RORA: variants seen among roughly 807,000 people sequenced by gnomAD.
RORA encodes nuclear receptor ROR-alpha.
RORA carries 7 observed loss-of-function variants against 69.5 expected under a neutral mutation model. The ratio of observed to expected loss-of-function variants is 0.10; its 90% confidence interval spans 0.06 to 0.19. RORA has a LOEUF of 0.19. Ranked by LOEUF, RORA falls within the 10% of genes least tolerant of loss-of-function variation. RORA has a pLI of 1.00. For synonymous variants in RORA, 261 were observed against 240.8 expected (o/e 1.08, Z -0.78); for missense variants, 457 against 663.0 (o/e 0.69, Z 3.41).
At chr15:60,501,338 T>C (rs1179937662) in intron 8 of RORA, among the ~76,000 whole-genome samples, 1 of 152,224 alleles carries the variant, frequency 6.6e-6, no homozygotes, top group Non-Finnish European at 1.5e-5. Flanking sequence ...GTCATCCTCA[T>C]TGAAAATAAT....
intron 1 of RORA, among the ~76,000 whole-genome samples, chr15:60,985,903 A>C (rs1033646590): frequency 4.6e-5 from 7 of 152,166 alleles, no homozygotes; most frequent in Admixed American, 2.6e-4. Context: ...TAAATCAAGG[A>C]GTTCTCAAAA....
At chr15:60,856,404 G>A (rs1288882693) in intron 1 of RORA, among the ~76,000 whole-genome samples, 1 of 151,882 alleles carries the variant, frequency 6.6e-6, no homozygotes, top group East Asian at 1.9e-4. Context: ...CACCTGTTAA[G>A]ATTTAAAGCA....
intron 1 of RORA, among the ~76,000 whole-genome samples, chr15:60,793,876 C>A (rs932491613): frequency 6.6e-6 from 1 of 152,146 alleles, no homozygotes; most frequent in African/African-American, 2.4e-5. Flanking sequence ...ACATTTGAGC[C>A]GTGCAGGCTT....
At chr15:60,621,481 C>T (rs1289000242) in intron 2 of RORA, among the ~76,000 whole-genome samples, 2 of 152,162 alleles carry the variant, frequency 1.3e-5, no homozygotes. Flanking sequence ...CAGCAGCCTG[C>T]ACAGGCTTGC....
intron 1 of RORA, among the ~76,000 whole-genome samples, chr15:61,074,655 C>T (rs11637530): frequency 0.36 from 54,837 of 151,914 alleles, 10,854 homozygotes; most frequent in Middle Eastern, 0.45. Context: ...TGGACTATTC[C>T]AAGGGAAAGT....
chr15:60,784,231 A>G (rs2140341436), intron 1 of RORA, among the ~76,000 whole-genome samples: 1 of 152,268 alleles, frequency 6.6e-6, no homozygotes, highest in Non-Finnish European at 1.5e-5. Flanking sequence ...AAATAGATGG[A>G]GTTATTTTGT....
Position 60,819,746 on chromosome 15 carries a change from G to GACACACACACACACACACACACACAC in RORA, c.167-141086_167-141061dup, listed in dbSNP as rs59044853. 1.9e-4 allele frequency among the ~76,000 whole-genome samples: 23 copies of GACACACACACACACACACACACACAC among 119,346 alleles called. 1 individual carries two copies. Among genetic ancestry groups the GACACACACACACACACACACACACAC allele is most frequent in the African/African-American group, 7.0e-4 (21 of 29,892 alleles). 78.3% of individuals were successfully genotyped at this position (119,346 alleles called of 152,430 possible). ...CACTCCTGGACTGAAGTCAAACCCA[G>GACACACACACACACACACACACACAC]ACACACACACACACACACACACACA... On this transcript the variant is annotated intron_variant, in intron 1 of 10. Transcript: ENST00000335670.
intron 1 of RORA, among the ~76,000 whole-genome samples, chr15:60,694,937 A>G (rs1261739281): frequency 6.6e-6 from 1 of 152,200 alleles, no homozygotes; most frequent in Non-Finnish European, 1.5e-5. Context: ...GAACAATTTG[A>G]TCTTTCAGCG....
chr15:60,508,174 A>G (rs60242298), intron 5 of RORA, among the ~76,000 whole-genome samples: 2,110 of 152,318 alleles, frequency 0.014, 42 homozygotes, highest in African/African-American at 0.047. Flanking sequence ...AAAGTCTGGA[A>G]TAGTGAAATA....
intron 1 of RORA, among the ~76,000 whole-genome samples, chr15:61,072,149 C>T (rs17270766): frequency 0.2 from 30,559 of 152,046 alleles, 3,480 homozygotes; most frequent in Non-Finnish European, 0.27. Context: ...TGTTTATACA[C>T]GGACAGGATT....
chr15:60,910,124 G>A (rs1337899711), intron 1 of RORA, among the ~76,000 whole-genome samples: 1 of 152,184 alleles, frequency 6.6e-6, no homozygotes, highest in East Asian at 1.9e-4. Context: ...AGGATGTCCA[G>A]GTTCAGAGTC....
intron 1 of RORA, among the ~76,000 whole-genome samples, chr15:61,116,645 G>A (rs1247024346): frequency 1.3e-5 from 2 of 152,194 alleles, no homozygotes; most frequent in African/African-American, 2.4e-5. Flanking sequence ...TACGGAGGAA[G>A]AAGCAAAGAC....
intron 1 of RORA, among the ~76,000 whole-genome samples, chr15:60,970,004 ACT>A (rs746233988): frequency 6.6e-6 from 1 of 151,962 alleles, no homozygotes; most frequent in East Asian, 1.9e-4. Context: ...TTGCACGCGC[ACT>A]CTCTTTCTTT....
intron 1 of RORA, among the ~76,000 whole-genome samples, chr15:60,948,226 T>C (rs763035225): frequency 3.3e-5 from 5 of 151,858 alleles, no homozygotes; most frequent in Non-Finnish European, 7.4e-5. Context: ...CTATTTTTTA[T>C]TCCCAGGCAA....
chr15:60,627,368 C>T (rs776418877), intron 2 of RORA: 1 of 1,614,206 alleles, frequency 6.2e-7, no homozygotes, highest in South Asian at 1.1e-5. Context: ...GGGGCCCCCT[C>T]ATTCATGCCT....
chr15:61,157,261 T>G (rs377185646), intron 1 of RORA, among the ~76,000 whole-genome samples: 2 of 152,156 alleles, frequency 1.3e-5, no homozygotes, highest in African/African-American at 4.8e-5. Context: ...TTGGCATAAA[T>G]GTAGGCAACA....
chr15:60,718,837 C>A (rs2071253421), intron 1 of RORA, among the ~76,000 whole-genome samples: 1 of 152,132 alleles, frequency 6.6e-6, no homozygotes, highest in Admixed American at 6.5e-5. Context: ...AGGAATTGTA[C>A]AAATATTTAC....
chr15:60,502,510 C>T (rs1293551713), intron 8 of RORA, among the ~76,000 whole-genome samples: 1 of 152,046 alleles, frequency 6.6e-6, no homozygotes, highest in Non-Finnish European at 1.5e-5. Context: ...TGGAAGGACA[C>T]GTCATATAAA....
chr15:60,558,350 G>C, intron 2 of RORA: 1 of 1,302,250 alleles, frequency 7.7e-7, no homozygotes, highest in Non-Finnish European at 1.1e-6. Context: ...CTACTAATGG[G>C]CATTAATTAG....
Sources: gnomAD v4.1 joint callset for allele counts (sites outside exome capture counted in the v4.1 genomes callset) on GRCh38, gnomAD v4.1.1 for gene constraint, MANE v1.5 for transcripts, NCBI Gene and HGNC (gene_info 2026-07-23, HGNC 2026-07-21) for gene names.